The following VOPP1 variants were observed in gnomAD, a reference collection of about 807,000 sequenced individuals.
VOPP1 encodes the protein VOPP1 WW domain binding protein, also known as WW domain binding protein VOPP1.
In VOPP1, 8 loss-of-function variants were observed where a neutral mutation model predicts 23.5. That is an observed-to-expected ratio of 0.34 (90% CI 0.20 to 0.61). VOPP1 has a LOEUF of 0.61. VOPP1 is among the 20% of genes least tolerant of loss of function. VOPP1 has a pLI of 0.78. For synonymous variants in VOPP1, 83 were observed against 97.3 expected (o/e 0.85, Z 0.86); for missense variants, 174 against 238.1 (o/e 0.73, Z 1.77).
At chr7:55,527,609 A>G (rs1376830012) in intron 1 of VOPP1, among the ~76,000 whole-genome samples, 1 of 152,172 alleles carries the variant, frequency 6.6e-6, no homozygotes, top group East Asian at 1.9e-4. Context: ...CTCCTCATGG[A>G]CCCTCATTCC....
chr7:55,509,943 C>T (rs1204919592), intron 2 of VOPP1, among the ~76,000 whole-genome samples: 1 of 152,188 alleles, frequency 6.6e-6, no homozygotes, highest in African/African-American at 2.4e-5. Flanking sequence ...TGGACTCTGT[C>T]TTGCCTTTAC....
At chr7:55,442,563 G>A (rs539561362) in intron 4 of VOPP1, among the ~76,000 whole-genome samples, 6 of 152,046 alleles carry the variant, frequency 3.9e-5, no homozygotes, top group African/African-American at 1.4e-4. Context: ...ATCAGTTAAT[G>A]AGTCTAGGCA....
chr7:55,476,425 G>A (rs997718340), intron 4 of VOPP1, among the ~76,000 whole-genome samples: 5 of 142,220 alleles, frequency 3.5e-5, no homozygotes, highest in African/African-American at 5.1e-5. Context: ...GGCCAGTGGC[G>A]TGTCGGGGGG....
chr7:55,450,711 C>A (rs761987052), intron 4 of VOPP1, among the ~76,000 whole-genome samples: 2 of 152,208 alleles, frequency 1.3e-5, no homozygotes, highest in African/African-American at 4.8e-5. Flanking sequence ...CTTTTCCCCA[C>A]GTAAGCTTTA....
intron 4 of VOPP1, among the ~76,000 whole-genome samples, chr7:55,462,666 T>TGGTTC (rs1791531978): frequency 2.7e-5 from 4 of 145,826 alleles, no homozygotes; most frequent in Admixed American, 6.9e-5. Context: ...TTTTTTTTTT[T>TGGTTC]TTTTTTTGAG....
At chr7:55,500,290 C>T (rs1297620636) in intron 2 of VOPP1, among the ~76,000 whole-genome samples, 1 of 152,222 alleles carries the variant, frequency 6.6e-6, no homozygotes, top group Non-Finnish European at 1.5e-5. Context: ...TCTGCCCTTG[C>T]AGACTGGAGA....
At chr7:55,544,217 T>C (rs1797264407) in intron 1 of VOPP1, among the ~76,000 whole-genome samples, 1 of 152,252 alleles carries the variant, frequency 6.6e-6, no homozygotes, top group Admixed American at 6.5e-5. Flanking sequence ...AAAAATCAAC[T>C]GGCTGTAAAT....
In VOPP1 at chr7:55,537,438, G is replaced by C. The variant is rs929831909; in HGVS notation, c.55-16308C>G. 3 of 1,533,830 alleles carry C rather than the reference G, an allele frequency of 2.0e-6. No individual in the cohort carries two copies. In the African/African-American group the frequency reaches 4.1e-5, roughly 21 times the overall value. On this transcript the variant is annotated intron_variant, in intron 1 of 4. Transcript: ENST00000285279. ...CTGCCCACCATGCTCTTCTTTCCCA[G>C]AACTGAAGCCCAAACTCTGGGCCAG...
chr7:55,447,350 G>T (rs1362869063), intron 4 of VOPP1, among the ~76,000 whole-genome samples: 2 of 152,192 alleles, frequency 1.3e-5, no homozygotes, highest in Non-Finnish European at 2.9e-5. Context: ...CAGCTGGTTT[G>T]ACTCCCAAGT....
intron 2 of VOPP1, among the ~76,000 whole-genome samples, chr7:55,518,539 A>T (rs1238009869): frequency 6.6e-6 from 1 of 152,178 alleles, no homozygotes; most frequent in Non-Finnish European, 1.5e-5. Flanking sequence ...GGGGAGGAAC[A>T]AACTTTTATG....
At chr7:55,519,844 G>A (rs897365103) in intron 2 of VOPP1, among the ~76,000 whole-genome samples, 1 of 152,206 alleles carries the variant, frequency 6.6e-6, no homozygotes, top group African/African-American at 2.4e-5. Context: ...TGACAGGTAA[G>A]AGGCTGGGCG....
Position 55,489,035 on chromosome 7 carries a change from G to A in VOPP1, c.328+3247C>T, listed in dbSNP as rs139737696. ...GGATCTGAGCAGACAGCTGCAGCAGGGTGAAGCCACCCTCAGGGGAGGCAG... is the reference window on the plus strand; with the variant it reads ...GGATCTGAGCAGACAGCTGCAGCAGAGTGAAGCCACCCTCAGGGGAGGCAG... On this transcript the variant is annotated intron_variant, in intron 4 of 4. Transcript: ENST00000285279. Among the ~76,000 whole-genome samples the A allele has an allele frequency of 3.4e-3, 518 of 152,370 alleles. 2 individuals are homozygous for A. The highest frequency in any genetic ancestry group is 0.024 in the Middle Eastern group (7 of 294).
chr7:55,525,812 A>C (rs1200126780), intron 1 of VOPP1, among the ~76,000 whole-genome samples: 7 of 150,448 alleles, frequency 4.7e-5, no homozygotes, highest in Non-Finnish European at 8.9e-5. Flanking sequence ...AAAAAAAAAA[A>C]AAAACCTTAA....
intron 3 of VOPP1, among the ~76,000 whole-genome samples, chr7:55,493,665 T>A (rs1390997026): frequency 6.6e-6 from 1 of 152,126 alleles, no homozygotes; most frequent in East Asian, 1.9e-4. Flanking sequence ...GTCACCATAC[T>A]GATCACAGCA....
At chr7:55,461,121 G>A (rs1791489878) in intron 4 of VOPP1, among the ~76,000 whole-genome samples, 1 of 152,114 alleles carries the variant, frequency 6.6e-6, no homozygotes, top group Non-Finnish European at 1.5e-5. Context: ...TATTCTAAGT[G>A]AAGTAACTCA....
rs564048842 is a variant in VOPP1 at position 55,477,661 on chromosome 7, G to A, written c.329-4616C>T. Among the ~76,000 whole-genome samples the A allele has an allele frequency of 1.4e-4, 22 of 152,344 alleles. 2 individuals are homozygous for A. Among genetic ancestry groups the A allele is most frequent in the South Asian group, 1.2e-3 (6 of 4,818 alleles). ...TGCATCCAGTCTAATCGGTATCTTC[G>A]TGTTCATAGACACAGTGATGGATCC... is the stretch of plus-strand genomic sequence containing the variant. On this transcript the variant is annotated intron_variant, in intron 4 of 4. Transcript: ENST00000285279.
intron 4 of VOPP1, among the ~76,000 whole-genome samples, chr7:55,449,511 G>A (rs559275761): frequency 7.2e-5 from 11 of 152,364 alleles, no homozygotes; most frequent in Middle Eastern, 3.4e-3. Flanking sequence ...GGCCGGTCTC[G>A]GAGAAGGGCG....
intron 1 of VOPP1, among the ~76,000 whole-genome samples, chr7:55,524,860 A>G (rs1796076205): frequency 6.6e-6 from 1 of 152,146 alleles, no homozygotes; most frequent in Non-Finnish European, 1.5e-5. Flanking sequence ...CTGCCTACCA[A>G]GTCCAAGCTC....
intron 1 of VOPP1, among the ~76,000 whole-genome samples, chr7:55,521,391 A>G (rs1795844011): frequency 6.6e-6 from 1 of 152,216 alleles, no homozygotes; most frequent in African/African-American, 2.4e-5. Context: ...TTAAAAAGGT[A>G]AATTAAAGAC....
Sources: gnomAD v4.1 joint callset for allele counts (sites outside exome capture counted in the v4.1 genomes callset) on GRCh38, gnomAD v4.1.1 for gene constraint, MANE v1.5 for transcripts, NCBI Gene and HGNC (gene_info 2026-07-23, HGNC 2026-07-21) for gene names.